The following ZNF510 variants were observed in gnomAD, a reference collection of about 807,000 sequenced individuals.
The protein encoded by ZNF510 is zinc finger protein 510.
Under a neutral mutation model 18.1 loss-of-function variants are expected in ZNF510, and 15 were observed. The observed-to-expected ratio is 0.83, with a 90% CI of 0.55 to 1.28. ZNF510 has a LOEUF of 1.28. ZNF510 is among the 50% of genes most tolerant of loss of function. The pLI is 0.00. For missense variants in ZNF510, 724 were observed against 791.8 expected (o/e 0.91, Z 1.03); for synonymous variants, 261 against 266.4 (o/e 0.98, Z 0.20).
Position 96,759,676 on chromosome 9 carries a change from G to A in ZNF510, c.1154C>T (p.Ser385Phe), listed in dbSNP as rs1374252394. The A allele has an allele frequency of 6.2e-7, 1 of 1,613,572 alleles. No individual in the cohort carries two copies. ...AACTCTGTGAACCGACGTCTGGTAG[G>A]ATTTCTTATTTTCATGATATTCAGA... ...KSSEYHENKK[S>F]YQTSVHRVRR... is the part of the protein sequence containing the mutation. Residue 385 changes from serine to phenylalanine, a missense_variant, in exon 6 of 6, where the codon TCC (serine) becomes TTC (phenylalanine). Physicochemically the swap from Ser to Phe is radical, Grantham distance 155 (BLOSUM62 -2). Transcript: ENST00000223428.
Position 96,758,793 on chromosome 9 carries a change from C to T in ZNF510, c.2037G>A (p.Glu679=). ...TLSLYQKIQG[E]GNPY ...AGTTATTACATCAATAGGGATTCCC[C>T]TCTCCCTGAATTTTCTGGTATAAGC... The change falls in exon 6 of 6, where the codon GAG becomes GAA. Residue 679 remains glutamate (E), a synonymous_variant. Transcript: ENST00000223428. 6.3e-7 allele frequency: 1 copy of T among 1,583,700 alleles called. No homozygotes were observed. Among genetic ancestry groups the T allele is most frequent in the Non-Finnish European group, 8.6e-7 (1 of 1,165,036 alleles).
intron 5 of ZNF510, 192 bp downstream of exon 5, chr9:96,762,926 T>C: frequency 2.0e-6 from 1 of 496,962 alleles, no homozygotes. Context: ...CTTTTCACCT[T>C]TTGAATAATA....
Position 96,760,004 on chromosome 9 carries a change from G to T in ZNF510, c.826C>A (p.His276Asn). The T allele has an allele frequency of 6.2e-7, 1 of 1,613,022 alleles. No homozygotes were observed. Among genetic ancestry groups the T allele is most frequent in the Non-Finnish European group, 8.5e-7 (1 of 1,179,894 alleles). The change falls in exon 6 of 6, where the codon CAC becomes AAC. Residue 276 changes from histidine (H) to asparagine (N), a missense_variant. His to Asn is a moderately conservative substitution (Grantham distance 68). Coordinates refer to ENST00000223428, the MANE Select transcript of ZNF510 (RefSeq NM_014930.3). ...KANCVKHNSSHTGETSSKDDE... is the reference protein window; with the variant it reads ...KANCVKHNSSNTGETSSKDDE... ...TCTTTAGAGGATGTTTCTCCTGTGT[G>T]AGAACTGTTATGTTTAACACAGTTA...
At chr9:96,761,253 A>G (rs985812770) in intron 5 of ZNF510, among the ~76,000 whole-genome samples, 1 of 152,178 alleles carries the variant, frequency 6.6e-6, no homozygotes, top group African/African-American at 2.4e-5. Context: ...GAGTTTCCAC[A>G]TTTCAATCTG....
Position 96,758,740 on chromosome 9 carries a change from G to A in ZNF510, c.*38C>T. 1 of 1,522,190 alleles carries A rather than the reference G, an allele frequency of 6.6e-7. No individual in the cohort carries two copies. 94.3% of individuals were successfully genotyped at this position (1,522,190 alleles called of 1,614,324 possible). On this transcript the variant is annotated 3_prime_UTR_variant, in exon 6 of 6. Coordinates refer to ENST00000223428, the MANE Select transcript of ZNF510 (RefSeq NM_014930.3). ...TTTGTGTATCTCTGATATCAAATGG[G>A]GTATTCCTTTTGTCAAAAGGATTTT...
Position 96,763,552 on chromosome 9 carries a change from C to T in ZNF510, c.210G>A (p.Leu70=). Residue 70 remains leucine, a synonymous_variant, in exon 4 of 6, where the codon CTG becomes CTA. Coordinates refer to ENST00000223428, the MANE Select transcript of ZNF510 (RefSeq NM_014930.3). ...WQQMAPVQKN[L]YRDVMLENYS... The stretch of plus-strand genomic sequence containing the variant: ...AGTTCTCCAGCATCACATCTCTGTA[C>T]AGATTCTTCTGAACAGGGGCCATTT... 6.2e-7 allele frequency: 1 copy of T among 1,613,312 alleles called. No homozygotes were observed. Among genetic ancestry groups the T allele is most frequent in the Non-Finnish European group, 8.5e-7 (1 of 1,179,692 alleles).
rs1268235144 is a variant in ZNF510, at chr9:96,756,340, G to T, written c.*2438C>A. The T allele has an allele frequency of 6.6e-6, 1 of 152,116 alleles. No individual in the cohort carries two copies. The highest frequency in any genetic ancestry group is 1.5e-5 in the Non-Finnish European group (1 of 68,028). The allele number at this position is 152,116 out of a possible 1,614,324, so 9.4% of individuals were successfully genotyped here. A position where few individuals can be genotyped will look rare whatever the true frequency, so the allele number is the denominator to read the frequency against. On this transcript the variant is annotated 3_prime_UTR_variant, in exon 6 of 6. Coordinates refer to ENST00000223428, the MANE Select transcript of ZNF510 (RefSeq NM_014930.3). Reference sequence around the variant, plus strand: ...TGGCACTGAGTTTGAACACACACAGGATCCTAGTAGTTTCAGTTGGCGAAA... The same window carrying T: ...TGGCACTGAGTTTGAACACACACAGTATCCTAGTAGTTTCAGTTGGCGAAA...
intron 3 of ZNF510, among the ~76,000 whole-genome samples, chr9:96,770,499 G>C (rs1849562913): frequency 6.6e-6 from 1 of 151,988 alleles, no homozygotes; most frequent in Non-Finnish European, 1.5e-5. Flanking sequence ...CTACTTGGGA[G>C]GCTGAGGCAG....
chr9:96,775,176 C>T (rs1442468628), intron 2 of ZNF510, among the ~76,000 whole-genome samples: 1 of 152,008 alleles, frequency 6.6e-6, no homozygotes, highest in East Asian at 1.9e-4. Context: ...TCTCCCGTCT[C>T]AGCCTCCTGA....
At chr9:96,764,548 G>T (rs1849426589) in intron 3 of ZNF510, among the ~76,000 whole-genome samples, 2 of 152,108 alleles carry the variant, frequency 1.3e-5, no homozygotes, top group East Asian at 1.9e-4. Flanking sequence ...GCACTGAGAA[G>T]TTCCATCAGA....
At position 96,771,512 on chromosome 9, in the gene ZNF510, T is replaced by C. The variant is rs979390416; in HGVS notation, c.129+3276A>G. On this transcript the variant is annotated intron_variant, in intron 3 of 5. Coordinates refer to ENST00000223428, the MANE Select transcript of ZNF510 (RefSeq NM_014930.3). ...ATTAAGGACATATACAAAAAACATG[T>C]AGTTAAAATAAGACTCAATGGTGAA... Among the ~76,000 whole-genome samples, 6 of 151,812 alleles carry C rather than the reference T, an allele frequency of 4.0e-5. No homozygotes were observed. In the East Asian group the frequency reaches 1.2e-3, roughly 29 times the overall value.
rs917351745 is a variant in ZNF510, at chr9:96,760,190, T to C, written c.640A>G (p.Ile214Val). Residue 214 changes from isoleucine to valine, a missense_variant, in exon 6 of 6, where the codon ATT becomes GTT. By Grantham distance (29) the Ile-to-Val change is conservative (BLOSUM62 3). Coordinates refer to ENST00000223428, the MANE Select transcript of ZNF510 (RefSeq NM_014930.3). The part of the protein sequence containing the change: ...GNVCENSPFK[I>V]NFEKTQTGEK... ...CCAGTCTGAGTTTTCTCAAAGTTAA[T>C]TTTGAAAGGTGAATTCTCACATACA... The C allele has an allele frequency of 6.2e-7, 1 of 1,613,192 alleles. No individual in the cohort carries two copies. Among genetic ancestry groups the C allele is most frequent in the Non-Finnish European group, 8.5e-7 (1 of 1,179,644 alleles).
chr9:96,761,795 G>A (rs2117950133), intron 5 of ZNF510, among the ~76,000 whole-genome samples: 1 of 152,144 alleles, frequency 6.6e-6, no homozygotes, highest in African/African-American at 2.4e-5. Flanking sequence ...AAGATTTTAT[G>A]TGGCTGTATA....
At position 96,774,745 on chromosome 9, in the gene ZNF510, C is replaced by T. The variant is rs1349816093; in HGVS notation, c.129+43G>A. 5 of 1,538,604 alleles carry T rather than the reference C, an allele frequency of 3.2e-6. No individual in the cohort carries two copies. The East Asian group carries it at 9.0e-5, about 28-fold the overall frequency. ...ATATTAATATGTGGACCCTTAAACA[C>T]CTATGAAATCCATGATGAAAAAGGT... On this transcript the variant is annotated intron_variant, in intron 3 of 5. Transcript: ENST00000223428.
chr9:96,769,789 TAAAC>T (rs1849548914), intron 3 of ZNF510, among the ~76,000 whole-genome samples: 1 of 152,092 alleles, frequency 6.6e-6, no homozygotes, highest in East Asian at 1.9e-4. Context: ...CCAAAGATGA[TAAAC>T]AAATAGCCAA....
In ZNF510 at chr9:96,776,190, GT is replaced by G; in HGVS notation, c.-122del. The G allele has an allele frequency of 6.9e-7, 1 of 1,447,280 alleles. No individual in the cohort carries two copies. Among genetic ancestry groups the G allele is most frequent in the Non-Finnish European group, 9.1e-7 (1 of 1,095,154 alleles). The allele number at this position is 1,447,280 out of a possible 1,614,324, so 89.7% of individuals were successfully genotyped here. A position where few individuals can be genotyped will look rare whatever the true frequency, so the allele number is the denominator to read the frequency against. ...TGGAAGCCCTGGTGAGGAGGTCTCT[GT>G]TCTGTCAGAGAGCAGTTCTTCGGTG... On this transcript the variant is annotated 5_prime_UTR_variant, in exon 2 of 6. Coordinates refer to ENST00000223428, the MANE Select transcript of ZNF510 (RefSeq NM_014930.3).
rs140414578 is a variant in ZNF510, at chr9:96,759,659, G to C, written c.1171C>G (p.His391Asp). 3.7e-6 allele frequency: 6 copies of C among 1,613,424 alleles called. No individual in the cohort carries two copies. In the African/African-American group the frequency reaches 8.0e-5, roughly 22 times the overall value. ...GAGTGACTTCTTCGGCGAACTCTGT[G>C]AACCGACGTCTGGTAGGATTTCTTA... is the stretch of plus-strand genomic sequence containing the variant. ...ENKKSYQTSV[H>D]RVRRRSHSMM... Residue 391 changes from histidine (H) to aspartate (D), a missense_variant, in exon 6 of 6, where the codon CAC (histidine) becomes GAC (aspartate). Coordinates refer to ENST00000223428, the MANE Select transcript of ZNF510 (RefSeq NM_014930.3).
intron 3 of ZNF510, among the ~76,000 whole-genome samples, chr9:96,767,043 T>C (rs1033587615): frequency 7.9e-5 from 12 of 152,058 alleles, no homozygotes; most frequent in Non-Finnish European, 1.6e-4. Context: ...AAAAGAGAAA[T>C]GAGGCTGGGC....
Position 96,757,902 on chromosome 9 carries a change from T to C in ZNF510, c.*876A>G, listed in dbSNP as rs1251984412. On this transcript the variant is annotated 3_prime_UTR_variant, in exon 6 of 6. Coordinates refer to ENST00000223428, the MANE Select transcript of ZNF510 (RefSeq NM_014930.3). Reference sequence around the variant, plus strand: ...TCTGATAACTAAAATGTCAAGTAAGTGACTAACTGGCAGATAGTGTATACA... The same window carrying C: ...TCTGATAACTAAAATGTCAAGTAAGCGACTAACTGGCAGATAGTGTATACA... 6.6e-6 allele frequency: 1 copy of C among 152,120 alleles called. No individual in the cohort carries two copies. The highest frequency in any genetic ancestry group is 2.4e-5 in the African/African-American group (1 of 41,448). 9.4% of individuals were successfully genotyped at this position (152,120 alleles called of 1,614,324 possible).
Sources: allele counts gnomAD v4.1 joint callset (sites outside exome capture counted in the v4.1 genomes callset), GRCh38; gene constraint gnomAD v4.1.1; transcripts MANE v1.5; gene names NCBI Gene and HGNC (gene_info 2026-07-23, HGNC 2026-07-21).